ADARB2: variants seen among roughly 807,000 people sequenced by gnomAD.
ADARB2 encodes inactive double-stranded RNA-specific editase B2.
ADARB2 carries 25 observed loss-of-function variants against 62.2 expected under a neutral mutation model. That is an observed-to-expected ratio of 0.40 (90% CI 0.29 to 0.56). The LOEUF (loss-of-function observed/expected upper bound fraction) is 0.56. Among genes scored for constraint, ADARB2 ranks in the 20% least tolerant of loss-of-function variants. ADARB2 has a pLI of 0.43. For synonymous variants in ADARB2, 572 were observed against 500.8 expected (o/e 1.14, Z -1.90); for missense variants, 1,071 against 1,077.4 (o/e 0.99, Z 0.08).
intron 3 of ADARB2, among the ~76,000 whole-genome samples, chr10:1,273,818 A>G (rs1297480494): frequency 6.6e-6 from 1 of 152,186 alleles, no homozygotes; most frequent in Non-Finnish European, 1.5e-5. Flanking sequence ...CCATCCTGCC[A>G]GGACCTCCCG....
intron 1 of ADARB2, among the ~76,000 whole-genome samples, chr10:1,619,962 A>G (rs1041277213): frequency 6.6e-6 from 1 of 152,178 alleles, no homozygotes; most frequent in African/African-American, 2.4e-5. Context: ...ATGGATCAAT[A>G]AAGGAAAAAC....
chr10:1,373,418 GA>G (rs1832391348), intron 2 of ADARB2, among the ~76,000 whole-genome samples: 1 of 152,148 alleles, frequency 6.6e-6, no homozygotes. Flanking sequence ...CCAACCCCTG[GA>G]GGGCTCCAGC....
intron 1 of ADARB2, among the ~76,000 whole-genome samples, chr10:1,505,237 A>G (rs1831827544): frequency 2.0e-5 from 3 of 152,276 alleles, no homozygotes; most frequent in African/African-American, 7.2e-5. Context: ...ACACACACCA[A>G]TGACAAATCA....
intron 1 of ADARB2, among the ~76,000 whole-genome samples, chr10:1,727,982 C>T (rs991270534): frequency 1.6e-4 from 25 of 152,180 alleles, no homozygotes; most frequent in African/African-American, 2.2e-4. Context: ...TTGGATAGCA[C>T]GCACCATACT....
At chr10:1,504,978 T>C (rs1301599118) in intron 1 of ADARB2, among the ~76,000 whole-genome samples, 1 of 149,376 alleles carries the variant, frequency 6.7e-6, no homozygotes, top group Non-Finnish European at 1.5e-5. Flanking sequence ...CAGACACACA[T>C]ACACATGCAA....
chr10:1,575,825 G>T (rs1172203428), intron 1 of ADARB2, among the ~76,000 whole-genome samples: 1 of 152,138 alleles, frequency 6.6e-6, no homozygotes, highest in African/African-American at 2.4e-5. Context: ...TTCTGAATCA[G>T]CTCAACCCAG....
chr10:1,537,864 C>CAT (rs1832354031), intron 1 of ADARB2, among the ~76,000 whole-genome samples: 1 of 152,158 alleles, frequency 6.6e-6, no homozygotes, highest in Non-Finnish European at 1.5e-5. Context: ...CTAATGCATG[C>CAT]CGGTCTTAAA....
At chr10:1,627,986 C>A (rs1408866448) in intron 1 of ADARB2, among the ~76,000 whole-genome samples, 1 of 152,212 alleles carries the variant, frequency 6.6e-6, no homozygotes, top group South Asian at 2.1e-4. Context: ...CTGAAATCAG[C>A]TTGACCCTCC....
intron 1 of ADARB2, among the ~76,000 whole-genome samples, chr10:1,695,979 A>G (rs571337594): frequency 6.6e-6 from 1 of 151,416 alleles, no homozygotes; most frequent in East Asian, 1.9e-4. Context: ...GTGAGAGAAT[A>G]TGTGCATGCA....
At chr10:1,303,453 T>C (rs1289970394) in intron 3 of ADARB2, among the ~76,000 whole-genome samples, 4 of 152,142 alleles carry the variant, frequency 2.6e-5, no homozygotes, top group Non-Finnish European at 2.9e-5. Flanking sequence ...GAAAACACTC[T>C]GCAGGATATT....
At chr10:1,644,009 C>G (rs1200947079) in intron 1 of ADARB2, among the ~76,000 whole-genome samples, 2 of 152,198 alleles carry the variant, frequency 1.3e-5, no homozygotes, top group Non-Finnish European at 2.9e-5. Context: ...ACACGGCTGT[C>G]TCCCGGCCCC....
At position 1,327,095 on chromosome 10, in the gene ADARB2, A is replaced by C. The variant is rs369321665; in HGVS notation, c.1077+35933T>G. ...CCACTGCACAGCGCCTCCTCACTGC[A>C]CAGCGCCTCCCCACGGCACAGCGCC... On this transcript the variant is annotated intron_variant, in intron 3 of 9. Coordinates refer to ENST00000381312, the MANE Select transcript of ADARB2 (RefSeq NM_018702.4). Among the ~76,000 whole-genome samples the C allele has an allele frequency of 2.5e-3, 160 of 63,524 alleles. 4 individuals carry two copies. Among genetic ancestry groups the C allele is most frequent in the Middle Eastern group, 0.011 (1 of 92 alleles). The allele number at this position is 63,524 out of a possible 152,430, so 41.7% of individuals were successfully genotyped here.
chr10:1,596,427 T>C (rs1170834297), intron 1 of ADARB2, among the ~76,000 whole-genome samples: 1 of 152,214 alleles, frequency 6.6e-6, no homozygotes, highest in Non-Finnish European at 1.5e-5. Flanking sequence ...TTAATAACAC[T>C]GATAATGACC....
chr10:1,422,955 C>T (rs924337195), intron 1 of ADARB2, among the ~76,000 whole-genome samples: 3 of 152,174 alleles, frequency 2.0e-5, no homozygotes, highest in Non-Finnish European at 2.9e-5. Flanking sequence ...CAGTGGCACC[C>T]ACCTGTCTGG....
chr10:1,286,511 C>G (rs910373939), intron 3 of ADARB2, among the ~76,000 whole-genome samples: 1 of 152,140 alleles, frequency 6.6e-6, no homozygotes, highest in Non-Finnish European at 1.5e-5. Flanking sequence ...TACCTAAAGG[C>G]GGATGGCAAA....
intron 1 of ADARB2, among the ~76,000 whole-genome samples, chr10:1,694,062 A>T (rs1403102206): frequency 6.6e-6 from 1 of 152,222 alleles, no homozygotes; most frequent in Non-Finnish European, 1.5e-5. Flanking sequence ...TGGAGCCTTT[A>T]ATATTTTAAT....
intron 1 of ADARB2, among the ~76,000 whole-genome samples, chr10:1,653,049 G>A (rs1383146532): frequency 1.3e-5 from 2 of 152,180 alleles, no homozygotes; most frequent in African/African-American, 4.8e-5. Flanking sequence ...ATCACAGAGT[G>A]CTTGGAAATG....
chr10:1,736,947 G>T, intron 1 of ADARB2, 104 bp downstream of exon 1: 1 of 1,205,544 alleles, frequency 8.3e-7, no homozygotes, highest in Non-Finnish European at 1.2e-6. Context: ...GCACCCCAAA[G>T]TGAAGCTGCT....
intron 1 of ADARB2, among the ~76,000 whole-genome samples, chr10:1,657,121 A>G (rs1334019369): frequency 6.6e-6 from 1 of 152,186 alleles, no homozygotes; most frequent in Non-Finnish European, 1.5e-5. Context: ...TACACCATAG[A>G]AAGCATGCAG....
Sources: gnomAD v4.1 joint callset for allele counts (sites outside exome capture counted in the v4.1 genomes callset) on GRCh38, gnomAD v4.1.1 for gene constraint, MANE v1.5 for transcripts, NCBI Gene and HGNC (gene_info 2026-07-23, HGNC 2026-07-21) for gene names.